The following BUB1B variants were observed in gnomAD, a reference collection of about 807,000 sequenced individuals.
The protein encoded by BUB1B is mitotic checkpoint serine/threonine-protein kinase BUB1 beta.
In BUB1B, 86 loss-of-function variants were observed where a neutral mutation model predicts 137.7. That is an observed-to-expected ratio of 0.62 (90% CI 0.52 to 0.75). The LOEUF is 0.75. BUB1B is among the 30% of genes least tolerant of loss of function. The probability of loss-of-function intolerance (pLI) is 0.00; values close to 1 mark genes in which losing one functional copy is unlikely to be tolerated. For missense variants in BUB1B, 1,130 were observed against 1,236.9 expected (o/e 0.91, Z 1.30); for synonymous variants, 420 against 417.9 (o/e 1.00, Z -0.06).
intron 14 of BUB1B, among the ~76,000 whole-genome samples, chr15:40,204,349 C>T (rs1043290885): frequency 7.2e-5 from 11 of 151,744 alleles, no homozygotes; most frequent in Non-Finnish European, 1.5e-5. Flanking sequence ...CACCAGAGAA[C>T]ATGATGAACA....
At chr15:40,204,986 A>T (rs1250809859) in intron 14 of BUB1B, among the ~76,000 whole-genome samples, 1 of 130,072 alleles carries the variant, frequency 7.7e-6, no homozygotes, top group Non-Finnish European at 1.6e-5. Context: ...TCACTCTTGC[A>T]CTCAGGCTGG....
rs552654454 is a variant in BUB1B, at chr15:40,181,711, T to C, written c.582-2003T>C. ...ATTGCTCTGTCTTCAGGTTCACTTA[T>C]TCTTTTCTCTTCCATCTCCATCCTG... is the stretch of plus-strand genomic sequence containing the variant. On this transcript the variant is annotated intron_variant, in intron 5 of 22. Coordinates refer to ENST00000287598, the MANE Select transcript of BUB1B (RefSeq NM_001211.6). Among the ~76,000 whole-genome samples the C allele has an allele frequency of 2.5e-4, 38 of 152,366 alleles. No individual in the cohort carries two copies. In the South Asian group the frequency reaches 7.9e-3, roughly 32 times the overall value.
At chr15:40,185,719 C>A in intron 8 of BUB1B, 77 bp downstream of exon 8, 1 of 1,372,668 alleles carries the variant, frequency 7.3e-7, no homozygotes, top group Non-Finnish European at 1.0e-6. Context: ...TTCCCAAAGG[C>A]AGTTTCTTCT....
intron 5 of BUB1B, among the ~76,000 whole-genome samples, chr15:40,180,505 G>T (rs925300108): frequency 2.6e-5 from 4 of 151,576 alleles, no homozygotes; most frequent in Admixed American, 2.0e-4. Flanking sequence ...ACCTCAAATG[G>T]TCTGCCCACC....
chr15:40,187,455 G>A (rs2037381917), intron 8 of BUB1B, among the ~76,000 whole-genome samples: 1 of 151,964 alleles, frequency 6.6e-6, no homozygotes, highest in Admixed American at 6.6e-5. Context: ...GCTGGGTATG[G>A]TGGTGGGTGC....
At chr15:40,168,154 G>C (rs1160982085) in intron 2 of BUB1B, among the ~76,000 whole-genome samples, 1 of 151,650 alleles carries the variant, frequency 6.6e-6, no homozygotes, top group African/African-American at 2.4e-5. Context: ...GATCACCTGA[G>C]GTGAGGAGTT....
At chr15:40,165,342 A>G (rs2037083976) in intron 2 of BUB1B, 146 bp downstream of exon 2, 2 of 1,031,970 alleles carry the variant, frequency 1.9e-6, no homozygotes, top group African/African-American at 3.2e-5. Flanking sequence ...CTTTCGTATC[A>G]CATGACAGCT....
chr15:40,172,490 TAGAGA>T (rs2037175651), intron 4 of BUB1B, among the ~76,000 whole-genome samples: 1 of 152,108 alleles, frequency 6.6e-6, no homozygotes, highest in South Asian at 2.1e-4. Context: ...CAATCTTAGC[TAGAGA>T]AAAGAAAATG....
intron 4 of BUB1B, among the ~76,000 whole-genome samples, chr15:40,174,466 T>A (rs1422207631): frequency 6.6e-6 from 1 of 152,190 alleles, no homozygotes; most frequent in Non-Finnish European, 1.5e-5. Context: ...GTCTTCTGAG[T>A]TTGTAGAGCT....
intron 5 of BUB1B, among the ~76,000 whole-genome samples, chr15:40,178,690 T>G (rs1402093621): frequency 6.6e-6 from 1 of 152,120 alleles, no homozygotes; most frequent in Non-Finnish European, 1.5e-5. Context: ...TCTATTTCTT[T>G]TAGTCCCATC....
At chr15:40,188,603 G>A (rs1165499605) in intron 8 of BUB1B, among the ~76,000 whole-genome samples, 2 of 131,010 alleles carry the variant, frequency 1.5e-5, no homozygotes, top group African/African-American at 3.0e-5. Flanking sequence ...TTTTTTTCGA[G>A]ACAGAGTCTT....
chr15:40,206,357 G>C lies in BUB1B; in HGVS notation c.1908G>C (p.Glu636Asp), dbSNP rs1243559379. The C allele has an allele frequency of 6.2e-7, 1 of 1,614,174 alleles. No homozygotes were observed. The change falls in exon 15 of 23, where the codon GAG becomes GAC. Residue 636 changes from glutamate to aspartate, a missense_variant. By Grantham distance (45) the Glu-to-Asp change is conservative (BLOSUM62 2). Transcript: ENST00000287598. ...MSLKDLPSDP[E>D]RLLPEEDLDV... ...TGAAGGATCTCCCTTCTGATCCTGA[G>C]AGACTGTTACCGGAAGAAGATCTAG...
intron 8 of BUB1B, among the ~76,000 whole-genome samples, chr15:40,186,103 G>A (rs1210570843): frequency 2.0e-5 from 3 of 152,088 alleles, no homozygotes; most frequent in East Asian, 1.9e-4. Context: ...ATTAAGGGGC[G>A]GTATTTGGGC....
intron 16 of BUB1B, among the ~76,000 whole-genome samples, chr15:40,209,353 G>A (rs567964556): frequency 1.3e-5 from 2 of 152,322 alleles, no homozygotes; most frequent in African/African-American, 2.4e-5. Context: ...CCCGGGAGGC[G>A]GAGCTTGCAG....
At chr15:40,196,837 A>G in intron 9 of BUB1B, 63 bp downstream of exon 9, 2 of 1,456,334 alleles carry the variant, frequency 1.4e-6, no homozygotes, top group Non-Finnish European at 1.9e-6. Flanking sequence ...GAGCTGACCT[A>G]TTAAGTCTGA....
At chr15:40,209,222 C>T (rs1485134839) in intron 16 of BUB1B, among the ~76,000 whole-genome samples, 2 of 152,134 alleles carry the variant, frequency 1.3e-5, no homozygotes, top group Non-Finnish European at 2.9e-5. Context: ...AGATCGAGAC[C>T]ATCCTGGCTA....
intron 9 of BUB1B, among the ~76,000 whole-genome samples, chr15:40,198,725 A>G (rs558105804): frequency 2.0e-4 from 31 of 152,212 alleles, no homozygotes; most frequent in Non-Finnish European, 3.2e-4. Context: ...CAGACTTTTC[A>G]GTCACACTCC....
chr15:40,169,249 C>A (rs370357384), intron 2 of BUB1B, among the ~76,000 whole-genome samples: 53 of 152,054 alleles, frequency 3.5e-4, no homozygotes, highest in African/African-American at 1.2e-3. Context: ...TAGTATTATT[C>A]TTCTCTGACC....
intron 1 of BUB1B, among the ~76,000 whole-genome samples, chr15:40,164,418 G>T (rs1334458093): frequency 6.6e-6 from 1 of 151,964 alleles, no homozygotes; most frequent in East Asian, 1.9e-4. Flanking sequence ...GTAGAGATGG[G>T]GGTCTTCCTA....
Sources: gnomAD v4.1 joint callset for allele counts (sites outside exome capture counted in the v4.1 genomes callset) on GRCh38, gnomAD v4.1.1 for gene constraint, MANE v1.5 for transcripts, NCBI Gene and HGNC (gene_info 2026-07-23, HGNC 2026-07-21) for gene names.